Variants in DLST observed in about 807,000 individuals in gnomAD.
DLST encodes the protein dihydrolipoamide S-succinyltransferase.
DLST carries 17 observed loss-of-function variants against 53.1 expected under a neutral mutation model. That is an observed-to-expected ratio of 0.32 (90% CI 0.22 to 0.48). DLST has a LOEUF of 0.48. Ranked by LOEUF, DLST falls within the 20% of genes least tolerant of loss-of-function variation. The pLI is 0.99. For synonymous variants in DLST, 206 were observed against 204.8 expected, an observed-to-expected ratio of 1.01 and a Z score of -0.05; for missense variants, 512 against 583.9, an observed-to-expected ratio of 0.88 and a Z score of 1.27.
chr14:74,891,853 A>G lies in DLST; in HGVS notation c.442+686A>G, dbSNP rs552192905. 5 of 985,448 alleles carry G rather than the reference A, an allele frequency of 5.1e-6. No individual in the cohort carries two copies. The East Asian group carries it at 5.7e-4, about 112-fold the overall frequency. 61.0% of individuals were successfully genotyped at this position (985,448 alleles called of 1,614,324 possible). On this transcript the variant is annotated intron_variant, in intron 7 of 14. Transcript: ENST00000334220. Reference sequence around the variant, plus strand: ...ATAGACCGCATGATTGAGGTTAGTCAGGCAAGACCAGAAGCTCAGAGTAGA... The same window carrying G: ...ATAGACCGCATGATTGAGGTTAGTCGGGCAAGACCAGAAGCTCAGAGTAGA...
chr14:74,901,743 G>A (rs1466765204), intron 14 of DLST, among the ~76,000 whole-genome samples: 3 of 152,112 alleles, frequency 2.0e-5, no homozygotes, highest in Admixed American at 1.3e-4. Context: ...ATCCTTTTGG[G>A]TTACTGACTC....
intron 10 of DLST, among the ~76,000 whole-genome samples, chr14:74,897,941 T>TG (rs1219095319): frequency 6.6e-6 from 1 of 151,474 alleles, no homozygotes; most frequent in African/African-American, 2.4e-5. Flanking sequence ...TGGTGGGGTT[T>TG]TTTTTTTTTT....
intron 2 of DLST, among the ~76,000 whole-genome samples, chr14:74,883,294 CAA>C (rs35879783): frequency 3.1e-4 from 21 of 67,242 alleles, no homozygotes; most frequent in Admixed American, 6.8e-4. Context: ...GACTCCATCT[CAA>C]AAAAAAAAAA....
At chr14:74,896,258 A>G (rs1002447232) in intron 10 of DLST, among the ~76,000 whole-genome samples, 12 of 152,240 alleles carry the variant, frequency 7.9e-5, no homozygotes, top group Admixed American at 7.9e-4. Context: ...ATGAGATGGG[A>G]AAGTAGAAGA....
chr14:74,881,933 G>A lies in DLST; in HGVS notation c.-21G>A, dbSNP rs765337358. The A allele has an allele frequency of 2.0e-6, 3 of 1,529,368 alleles. No homozygotes were observed. In the South Asian group the frequency reaches 3.6e-5, roughly 18 times the overall value. The allele number at this position is 1,529,368 out of a possible 1,614,324, so 94.7% of individuals were successfully genotyped here. On this transcript the variant is annotated 5_prime_UTR_variant, in exon 1 of 15. Transcript: ENST00000334220. ...CCGGCCCTATATCCGGTGTCCGCCC[G>A]CCCTCGGCTCCTCCGCCGTGATGCT...
chr14:74,893,481 G>T, intron 9 of DLST, 57 bp downstream of exon 9: 1 of 1,591,224 alleles, frequency 6.3e-7, no homozygotes, highest in Non-Finnish European at 8.6e-7. Flanking sequence ...TGAGATTAGT[G>T]GAGTATGGGT....
intron 9 of DLST, among the ~76,000 whole-genome samples, chr14:74,894,036 T>C (rs1883996305): frequency 6.6e-6 from 1 of 152,352 alleles, no homozygotes; most frequent in East Asian, 1.9e-4. Context: ...CTACATTCTT[T>C]TATAAATGGG....
intron 14 of DLST, among the ~76,000 whole-genome samples, chr14:74,901,584 T>C (rs970304894): frequency 6.6e-6 from 1 of 152,218 alleles, no homozygotes; most frequent in Admixed American, 6.5e-5. Context: ...ATGACAATTA[T>C]GCATGTCAGT....
chr14:74,892,777 C>G (rs1163736801), intron 7 of DLST, 57 bp from the exon 8 acceptor site: 8 of 1,529,332 alleles, frequency 5.2e-6, no homozygotes, highest in Non-Finnish European at 7.0e-6. Flanking sequence ...CTAAATTTTG[C>G]TTGGTTGCTT....
At position 74,883,033 on chromosome 14, in the gene DLST, G is replaced by A. The variant is rs532572395; in HGVS notation, c.97+409G>A. On this transcript the variant is annotated intron_variant, in intron 2 of 14. Transcript: ENST00000334220. The stretch of plus-strand genomic sequence containing the variant: ...GCCATGGCCGGGCGCGGTGGCTGAC[G>A]CCTGTAATCCCAGCACTCTGGGAGG... Among the ~76,000 whole-genome samples the A allele has an allele frequency of 1.8e-3, 274 of 152,346 alleles. 1 individual carries two copies. The highest frequency in any genetic ancestry group is 3.4e-3 in the Middle Eastern group (1 of 294).
In DLST at chr14:74,889,251, T is replaced by A. The variant is rs1883814122; in HGVS notation, c.200-24T>A. ...AAAAGGAAAAATGAACTACTTATGA[T>A]TTTCTTTTTTGCATTTTTCCTAGAG... On this transcript the variant is annotated intron_variant, in intron 4 of 14. Transcript: ENST00000334220. 6.2e-6 allele frequency: 10 copies of A among 1,610,546 alleles called. No individual in the cohort carries two copies. In the East Asian group the frequency reaches 2.2e-4, roughly 36 times the overall value.
chr14:74,894,391 T>G lies in DLST; in HGVS notation c.752T>G (p.Phe251Cys). 62 of 1,614,152 alleles carry G rather than the reference T, an allele frequency of 3.8e-5. No homozygotes were observed. Among genetic ancestry groups the G allele is most frequent in the Non-Finnish European group, 5.2e-5 (61 of 1,180,006 alleles). The change falls in exon 10 of 15, where the codon TTT (phenylalanine) becomes TGT (cysteine). Residue 251 changes from phenylalanine (F) to cysteine (C), a missense_variant. Phe to Cys is a radical substitution (Grantham distance 205, BLOSUM62 -2). Coordinates refer to ENST00000334220, the MANE Select transcript of DLST (RefSeq NM_001933.5). Reference sequence around the variant, plus strand: ...AATACATGTGCAATGCTGACAACTTTTAATGAGATTGACATGAGGTAGTGT... The same window carrying G: ...AATACATGTGCAATGCTGACAACTTGTAATGAGATTGACATGAGGTAGTGT... ...AQNTCAMLTT[F>C]NEIDMSNIQE...
At chr14:74,891,598 A>T (rs1026512726) in intron 7 of DLST, 15 of 989,342 alleles carry the variant, frequency 1.5e-5, no homozygotes, top group Non-Finnish European at 1.7e-5. Context: ...GTTTCTTTTC[A>T]CATCTGTTCT....
chr14:74,883,693 C>G (rs940523507), intron 2 of DLST, among the ~76,000 whole-genome samples: 2 of 152,082 alleles, frequency 1.3e-5, no homozygotes, highest in Non-Finnish European at 2.9e-5. Flanking sequence ...AAAGTATTTT[C>G]TCTATTTTAC....
rs1400401834 is a variant in DLST, at chr14:74,902,192, G to GT, written c.1228-3dup. On this transcript the variant is annotated splice_polypyrimidine_tract_variant and splice_region_variant and intron_variant, in intron 14 of 14. Coordinates refer to ENST00000334220, the MANE Select transcript of DLST (RefSeq NM_001933.5). ...ACAAACCTATTTACCTTTCCTCTCT[G>GT]TAGGTAGAGGTGCGGCCCATGATGT... 1 of 1,574,094 alleles carries GT rather than the reference G, an allele frequency of 6.4e-7. No individual in the cohort carries two copies. The highest frequency in any genetic ancestry group is 8.7e-7 in the Non-Finnish European group (1 of 1,155,616).
chr14:74,883,939 G>A (rs757715890), intron 2 of DLST, among the ~76,000 whole-genome samples: 2 of 152,188 alleles, frequency 1.3e-5, no homozygotes, highest in Non-Finnish European at 2.9e-5. Flanking sequence ...TGGAGAGAGA[G>A]AGCAAATATA....
At chr14:74,887,203 C>G (rs1883734908) in intron 3 of DLST, among the ~76,000 whole-genome samples, 1 of 152,082 alleles carries the variant, frequency 6.6e-6, no homozygotes, top group South Asian at 2.1e-4. Flanking sequence ...TTCACATGTT[C>G]ACACTATGAA....
intron 10 of DLST, among the ~76,000 whole-genome samples, chr14:74,896,866 C>T (rs1884090316): frequency 6.6e-6 from 1 of 152,222 alleles, no homozygotes; most frequent in South Asian, 2.1e-4. Flanking sequence ...AGCTGGATCT[C>T]CTTTCAGCAG....
chr14:74,892,411 A>C (rs1345498763), intron 7 of DLST, among the ~76,000 whole-genome samples: 1 of 152,134 alleles, frequency 6.6e-6, no homozygotes, highest in Non-Finnish European at 1.5e-5. Flanking sequence ...CCTATTTTTT[A>C]ATAGTATTCT....
Sources: gnomAD v4.1 joint callset for allele counts (sites outside exome capture counted in the v4.1 genomes callset) on GRCh38, gnomAD v4.1.1 for gene constraint, MANE v1.5 for transcripts, NCBI Gene and HGNC (gene_info 2026-07-23, HGNC 2026-07-21) for gene names.